Variants in XPR1 observed in about 807,000 individuals in gnomAD.
XPR1 encodes the protein xenotropic and polytropic retrovirus receptor 1, also known as solute carrier family 53 member 1.
XPR1 carries 28 observed loss-of-function variants against 87.5 expected under a neutral mutation model. The observed-to-expected ratio is 0.32, with a 90% confidence interval of 0.24 to 0.44. XPR1 has a LOEUF of 0.44. XPR1 is among the 20% of genes least tolerant of loss of function. XPR1 has a pLI of 1.00. For synonymous variants in XPR1, 300 were observed against 306.1 expected, an observed-to-expected ratio of 0.98 and a Z score of 0.21; for missense variants, 559 against 862.3, an observed-to-expected ratio of 0.65 and a Z score of 4.41.
At chr1:180,862,858 C>T (rs1001615328) in intron 11 of XPR1, among the ~76,000 whole-genome samples, 2 of 151,908 alleles carry the variant, frequency 1.3e-5, no homozygotes, top group Admixed American at 1.3e-4. Context: ...GATGCAGAAC[C>T]ATATTAGTAG....
chr1:180,690,194 G>A lies in XPR1; in HGVS notation c.121+7783G>A, dbSNP rs571256617. ...AGTGTATTTAAATAAAATAGATACC[G>A]TAAGGTTTTGTACCATTGACAGAAT... On this transcript the variant is annotated intron_variant, in intron 2 of 14. Coordinates refer to ENST00000367590, the MANE Select transcript of XPR1 (RefSeq NM_004736.4). Among the ~76,000 whole-genome samples, 401 of 151,614 alleles carry A rather than the reference G, an allele frequency of 2.6e-3. 1 individual carries two copies. Among genetic ancestry groups the A allele is most frequent in the African/African-American group, 9.3e-3 (383 of 41,348 alleles).
At chr1:180,770,025 T>C (rs1648449287) in intron 2 of XPR1, among the ~76,000 whole-genome samples, 1 of 152,208 alleles carries the variant, frequency 6.6e-6, no homozygotes, top group Admixed American at 6.5e-5. Flanking sequence ...GTTTTGAGCT[T>C]ATTACTGTGT....
At chr1:180,732,203 A>AT (rs1270169700) in intron 2 of XPR1, among the ~76,000 whole-genome samples, 2 of 151,892 alleles carry the variant, frequency 1.3e-5, no homozygotes, top group Non-Finnish European at 2.9e-5. Flanking sequence ...AAAAAAAAAA[A>AT]AAAAAAAGAA....
rs1340392754 is a variant in XPR1 at position 180,884,304 on chromosome 1, CAG to C, written c.*241_*242del. ...ACAAATATTTACTTCATTTGCCAAT[CAG>C]AGGATGTTTTAAGAAACAAAACATA... On this transcript the variant is annotated 3_prime_UTR_variant, in exon 15 of 15. Transcript: ENST00000367590. 3 of 424,064 alleles carry C rather than the reference CAG, an allele frequency of 7.1e-6. No individual in the cohort carries two copies. The highest frequency in any genetic ancestry group is 8.6e-6 in the Non-Finnish European group (2 of 233,304). 26.3% of individuals were successfully genotyped at this position (424,064 alleles called of 1,614,324 possible). A position where few individuals can be genotyped will look rare whatever the true frequency, so the allele number is the denominator to read the frequency against.
intron 2 of XPR1, among the ~76,000 whole-genome samples, chr1:180,772,128 C>G (rs1031692145): frequency 6.6e-6 from 1 of 152,032 alleles, no homozygotes; most frequent in Non-Finnish European, 1.5e-5. Flanking sequence ...CAACATGGGC[C>G]TTTGAATATG....
chr1:180,698,536 G>A (rs913688503), intron 2 of XPR1, among the ~76,000 whole-genome samples: 1 of 151,984 alleles, frequency 6.6e-6, no homozygotes, highest in Admixed American at 6.6e-5. Flanking sequence ...GTGGTTTGGT[G>A]GTTTTCTGTA....
chr1:180,703,877 C>G (rs961010476), intron 2 of XPR1, among the ~76,000 whole-genome samples: 2 of 151,984 alleles, frequency 1.3e-5, no homozygotes, highest in Admixed American at 1.3e-4. Context: ...TACTCAGTAG[C>G]GATATGAGGT....
intron 3 of XPR1, among the ~76,000 whole-genome samples, chr1:180,801,240 T>C (rs1558014554): frequency 6.6e-6 from 1 of 152,126 alleles, no homozygotes; most frequent in Non-Finnish European, 1.5e-5. Flanking sequence ...GGAGTAAACA[T>C]AGAGCTTTTT....
At position 180,886,757 on chromosome 1, in the gene XPR1, C is replaced by G. The variant is rs182692143; in HGVS notation, c.*2691C>G. Reference sequence around the variant, plus strand: ...AAGCATACATTTAATTTTTTTCTTTCAAAAAAGGCAATGTGCACTTTCCTC... The same window carrying G: ...AAGCATACATTTAATTTTTTTCTTTGAAAAAAGGCAATGTGCACTTTCCTC... On this transcript the variant is annotated 3_prime_UTR_variant, in exon 15 of 15. Coordinates refer to ENST00000367590, the MANE Select transcript of XPR1 (RefSeq NM_004736.4). 1.7e-4 allele frequency: 26 copies of G among 152,162 alleles called. No individual in the cohort carries two copies. The highest frequency in any genetic ancestry group is 6.0e-4 in the African/African-American group (25 of 41,532). The allele number at this position is 152,162 out of a possible 1,614,324, so 9.4% of individuals were successfully genotyped here. A position where few individuals can be genotyped will look rare whatever the true frequency, so the allele number is the denominator to read the frequency against.
At chr1:180,833,381 G>T (rs1416156487) in intron 9 of XPR1, among the ~76,000 whole-genome samples, 3 of 152,040 alleles carry the variant, frequency 2.0e-5, no homozygotes, top group Non-Finnish European at 4.4e-5. Flanking sequence ...ACATAGACTG[G>T]CAAATTGGAT....
intron 2 of XPR1, among the ~76,000 whole-genome samples, chr1:180,734,292 T>C (rs966167638): frequency 5.3e-5 from 8 of 152,180 alleles, no homozygotes; most frequent in Admixed American, 3.9e-4. Context: ...TCTGCAACCA[T>C]GATAGGAGAC....
intron 1 of XPR1, among the ~76,000 whole-genome samples, chr1:180,639,253 A>T (rs1654885141): frequency 6.6e-6 from 1 of 151,872 alleles, no homozygotes; most frequent in Non-Finnish European, 1.5e-5. Flanking sequence ...GCACCACTGC[A>T]CTCCAGCCTG....
chr1:180,826,974 C>A (rs989386951), intron 9 of XPR1, among the ~76,000 whole-genome samples: 1 of 151,656 alleles, frequency 6.6e-6, no homozygotes, highest in Non-Finnish European at 1.5e-5. Flanking sequence ...GCTAACATGG[C>A]AAAACCCCAT....
At chr1:180,816,647 G>T (rs1355669734) in intron 7 of XPR1, among the ~76,000 whole-genome samples, 1 of 152,272 alleles carries the variant, frequency 6.6e-6, no homozygotes. Context: ...CTGAAAAATT[G>T]CTGTTGCATA....
At chr1:180,704,839 T>TTTTTTG (rs1657504720) in intron 2 of XPR1, among the ~76,000 whole-genome samples, 2 of 145,490 alleles carry the variant, frequency 1.4e-5, no homozygotes, top group East Asian at 2.0e-4. Flanking sequence ...TTTTTTTTTT[T>TTTTTTG]AAGTAATAAT....
intron 3 of XPR1, among the ~76,000 whole-genome samples, chr1:180,802,717 CTACTT>C: frequency 6.6e-6 from 1 of 152,188 alleles, no homozygotes. Flanking sequence ...AAGCAGTAAT[CTACTT>C]TCTTTCTGTG....
At chr1:180,646,756 G>A (rs1370016671) in intron 1 of XPR1, among the ~76,000 whole-genome samples, 2 of 152,166 alleles carry the variant, frequency 1.3e-5, no homozygotes, top group Non-Finnish European at 2.9e-5. Flanking sequence ...GCGCAGTGCA[G>A]GAAAGAGGCG....
intron 1 of XPR1, among the ~76,000 whole-genome samples, chr1:180,670,169 T>C (rs1447343202): frequency 6.6e-6 from 1 of 152,180 alleles, no homozygotes; most frequent in Non-Finnish European, 1.5e-5. Flanking sequence ...GAATCATGTA[T>C]TTTTTATCTG....
At chr1:180,656,412 T>TAA (rs1557941271) in intron 1 of XPR1, among the ~76,000 whole-genome samples, 5 of 48,350 alleles carry the variant, frequency 1.0e-4, no homozygotes, top group African/African-American at 4.2e-4. Context: ...TATTTATATA[T>TAA]TTATATATAA....
Sources: gnomAD v4.1 joint callset for allele counts (sites outside exome capture counted in the v4.1 genomes callset) on GRCh38, gnomAD v4.1.1 for gene constraint, MANE v1.5 for transcripts, NCBI Gene and HGNC (gene_info 2026-07-23, HGNC 2026-07-21) for gene names.